Variants in OR2L13 observed in about 807,000 individuals in gnomAD.
OR2L13 encodes the protein olfactory receptor 2L13.
Under a neutral mutation model 15.3 loss-of-function variants are expected in OR2L13, and 14 were observed. That is an observed-to-expected ratio of 0.91 (90% CI 0.60 to 1.43). OR2L13 has a LOEUF of 1.43. OR2L13 is among the 40% of genes most tolerant of loss of function. OR2L13 has a pLI of 0.00. For synonymous variants in OR2L13, 152 were observed against 142.9 expected (o/e 1.06, Z -0.45); for missense variants, 367 against 387.9 (o/e 0.95, Z 0.45).
chr1:247,998,617 A>C, the OR2L13 span, among the ~76,000 whole-genome samples: 1 of 152,160 alleles, frequency 6.6e-6, no homozygotes, highest in African/African-American at 2.4e-5. Flanking sequence ...AAGGGCATTA[A>C]AGTAAAGGCA....
the OR2L13 span, among the ~76,000 whole-genome samples, chr1:248,000,157 G>A: frequency 6.2e-5 from 8 of 128,612 alleles, no homozygotes; most frequent in Admixed American, 4.6e-4. Flanking sequence ...CAGTTTTTCT[G>A]CACCTATGCA....
chr1:247,982,844 C>T, the OR2L13 span, among the ~76,000 whole-genome samples: 1 of 151,946 alleles, frequency 6.6e-6, no homozygotes, highest in Non-Finnish European at 1.5e-5. Flanking sequence ...TATTATTTCA[C>T]AGTTATTTAC....
chr1:247,958,069 G>C, the OR2L13 span, among the ~76,000 whole-genome samples: 1 of 152,142 alleles, frequency 6.6e-6, no homozygotes, highest in South Asian at 2.1e-4. Context: ...GCTTTCTCTT[G>C]TGGGCATTTA....
chr1:248,097,618 G>A (rs555607988), intron 1 of OR2L13, among the ~76,000 whole-genome samples: 1 of 152,246 alleles, frequency 6.6e-6, no homozygotes, highest in South Asian at 2.1e-4. Context: ...AATACTCTGA[G>A]CTATAGTCTA....
At chr1:248,027,179 G>A in the OR2L13 span, among the ~76,000 whole-genome samples, 3 of 152,188 alleles carry the variant, frequency 2.0e-5, no homozygotes, top group Admixed American at 6.5e-5. Context: ...TACAGTCATA[G>A]ATAAGGGACG....
chr1:247,937,377 A>T, the OR2L13 span: 3 of 155,622 alleles, frequency 1.9e-5, no homozygotes, highest in Admixed American at 6.5e-5. Flanking sequence ...CACGCCTTCC[A>T]GACCGAGGTA....
At chr1:247,979,070 A>C in the OR2L13 span, among the ~76,000 whole-genome samples, 9 of 152,104 alleles carry the variant, frequency 5.9e-5, no homozygotes, top group African/African-American at 2.2e-4. Flanking sequence ...TCCCACATCA[A>C]ATAAGGATTC....
the OR2L13 span, chr1:248,022,718 C>T: frequency 1.9e-6 from 3 of 1,614,034 alleles, no homozygotes; most frequent in African/African-American, 4.0e-5. Flanking sequence ...TTGCTTATAC[C>T]TATCTATGTC....
the OR2L13 span, among the ~76,000 whole-genome samples, chr1:248,001,725 T>A: frequency 6.6e-6 from 1 of 151,928 alleles, no homozygotes; most frequent in African/African-American, 2.4e-5. Context: ...AATAATATTA[T>A]ATAATAGGAC....
At chr1:248,000,123 G>GTGTGTGT in the OR2L13 span, among the ~76,000 whole-genome samples, 426 of 138,298 alleles carry the variant, frequency 3.1e-3, 1 homozygote, top group African/African-American at 0.011. Flanking sequence ...TTTTTTTTTT[G>GTGTGTGT]GTGTGTGTGT....
At chr1:247,997,365 T>C in the OR2L13 span, among the ~76,000 whole-genome samples, 2 of 152,164 alleles carry the variant, frequency 1.3e-5, no homozygotes, top group Admixed American at 6.5e-5. Context: ...TATCATCTGA[T>C]TTAATAGGAG....
At chr1:247,942,881 C>T in the OR2L13 span, among the ~76,000 whole-genome samples, 858 of 152,242 alleles carry the variant, frequency 5.6e-3, 6 homozygotes, top group African/African-American at 0.019. Context: ...CTCTCCTTCT[C>T]TCCCTTCTCC....
At chr1:248,017,855 G>T in the OR2L13 span, among the ~76,000 whole-genome samples, 1 of 152,286 alleles carries the variant, frequency 6.6e-6, no homozygotes, top group East Asian at 1.9e-4. Flanking sequence ...TGTAGAATGT[G>T]TCTGGTGGGT....
At chr1:248,047,674 G>A in the OR2L13 span, among the ~76,000 whole-genome samples, 2 of 152,128 alleles carry the variant, frequency 1.3e-5, no homozygotes, top group Non-Finnish European at 2.9e-5. Context: ...TATAGAAATA[G>A]CTGCCTTAAC....
At chr1:248,097,134 C>CTT (rs1664757398), upstream of OR2L13, 1 of 152,218 alleles carries the variant, frequency 6.6e-6, no homozygotes. Flanking sequence ...ACTCCTGATT[C>CTT]CTCCCTTTCT....
At chr1:248,068,642 G>A in the OR2L13 span, among the ~76,000 whole-genome samples, 2 of 152,196 alleles carry the variant, frequency 1.3e-5, no homozygotes, top group East Asian at 1.9e-4. Context: ...TGACTTTGAC[G>A]AGAGAAGAAG....
At chr1:247,958,468 C>T in the OR2L13 span, among the ~76,000 whole-genome samples, 1 of 152,146 alleles carries the variant, frequency 6.6e-6, no homozygotes, top group Admixed American at 6.6e-5. Context: ...CCGCTTGGTG[C>T]AGAGCTGAGT....
At chr1:248,010,623 T>C in the OR2L13 span, among the ~76,000 whole-genome samples, 2 of 152,082 alleles carry the variant, frequency 1.3e-5, no homozygotes, top group Non-Finnish European at 2.9e-5. Flanking sequence ...ATTGGGTGCA[T>C]ATATATTTAG....
the OR2L13 span, among the ~76,000 whole-genome samples, chr1:247,941,267 C>A: frequency 6.6e-6 from 1 of 152,032 alleles, no homozygotes. Context: ...TCCTGCTCAT[C>A]AATTTTATTT....
Sources: allele counts gnomAD v4.1 joint callset (sites outside exome capture counted in the v4.1 genomes callset), GRCh38; gene constraint gnomAD v4.1.1; transcripts MANE v1.5; gene names NCBI Gene and HGNC (gene_info 2026-07-23, HGNC 2026-07-21).